The following HIC2 variants were observed in gnomAD, a reference collection of about 807,000 sequenced individuals.
The protein encoded by HIC2 is hypermethylated in cancer 2 protein.
Under a neutral mutation model 39.5 loss-of-function variants are expected in HIC2, and 2 were observed. The ratio of observed to expected loss-of-function variants is 0.05; its 90% confidence interval spans 0.02 to 0.16. The LOEUF (loss-of-function observed/expected upper bound fraction) is 0.16. Ranked by LOEUF, HIC2 falls within the 10% of genes least tolerant of loss-of-function variation. The probability of loss-of-function intolerance (pLI) is 1.00; values close to 1 mark genes in which losing one functional copy is unlikely to be tolerated. For synonymous variants in HIC2, 399 were observed against 368.8 expected (o/e 1.08, Z -0.94); for missense variants, 713 against 863.5 (o/e 0.83, Z 2.18).
rs752239180 is a variant in HIC2 at position 21,450,638 on chromosome 22, C to G, written c.*3895C>G. 2.0e-5 allele frequency: 3 copies of G among 152,742 alleles called. No homozygotes were observed. Among genetic ancestry groups the G allele is most frequent in the African/African-American group, 7.2e-5 (3 of 41,466 alleles). 9.5% of individuals were successfully genotyped at this position (152,742 alleles called of 1,614,324 possible). ...CCAGGCCTTAGAGCAGACAAGGGCT[C>G]TCAGCCCTGGCATGCCCCCTAAAGG... is the stretch of plus-strand genomic sequence containing the variant. On this transcript the variant is annotated 3_prime_UTR_variant, in exon 3 of 3. Coordinates refer to ENST00000407464, the MANE Select transcript of HIC2 (RefSeq NM_015094.3).
intron 1 of HIC2, among the ~76,000 whole-genome samples, chr22:21,430,850 G>GAC (rs1923297375): frequency 1.1e-5 from 1 of 91,444 alleles, no homozygotes; most frequent in Admixed American, 1.2e-4. Flanking sequence ...CAGCCTGGGC[G>GAC]ACAGAGGAAG....
Position 21,445,466 on chromosome 22 carries a change from C to A in HIC2, c.571C>A (p.Leu191Ile). Reference sequence around the variant, plus strand: ...CAAGGGGGCCCACGCCCCCCAGGAGCTCCCCCAAGCCAAAGGCTCAGACGA... The same window carrying A: ...CAAGGGGGCCCACGCCCCCCAGGAGATCCCCCAAGCCAAAGGCTCAGACGA... ...GRKGAHAPQE[L>I]PQAKGSDDEL... Residue 191 changes from leucine (L) to isoleucine (I), a missense_variant, in exon 3 of 3, where the codon CTC becomes ATC. Around this residue, in one of 5 missense-constraint regions of HIC2, gnomAD observed 457 missense variants for 420.2 expected, o/e 1.09. Coordinates refer to ENST00000407464, the MANE Select transcript of HIC2 (RefSeq NM_015094.3). 6.5e-7 allele frequency: 1 copy of A among 1,547,176 alleles called. No homozygotes were observed. The highest frequency in any genetic ancestry group is 8.7e-7 in the Non-Finnish European group (1 of 1,152,850).
In HIC2 at chr22:21,450,154, G is replaced by GC. The variant is rs1924090307; in HGVS notation, c.*3412dup. On this transcript the variant is annotated 3_prime_UTR_variant, in exon 3 of 3. Transcript: ENST00000407464. Reference sequence around the variant, plus strand: ...TATTTCTCAGACTTGGGGCGAGTGAGCGGGTGGCAGGCCGGGCTCCGCCAC... The same window carrying GC: ...TATTTCTCAGACTTGGGGCGAGTGAGCCGGGTGGCAGGCCGGGCTCCGCCAC... 1 of 152,758 alleles carries GC rather than the reference G, an allele frequency of 6.5e-6. No individual in the cohort carries two copies. The highest frequency in any genetic ancestry group is 2.4e-5 in the African/African-American group (1 of 41,448). 9.5% of individuals were successfully genotyped at this position (152,758 alleles called of 1,614,324 possible). A position where few individuals can be genotyped will look rare whatever the true frequency, so the allele number is the denominator to read the frequency against.
rs774541576 is a variant in HIC2 at position 21,445,977 on chromosome 22, G to A, written c.1082G>A (p.Cys361Tyr). Residue 361 changes from cysteine (C) to tyrosine (Y), a missense_variant, in exon 3 of 3, where the codon TGC (cysteine) becomes TAC (tyrosine). By Grantham distance (194) the Cys-to-Tyr change is radical (BLOSUM62 -2). Around this residue, in one of 5 missense-constraint regions of HIC2, gnomAD observed 457 missense variants for 420.2 expected, o/e 1.09. Transcript: ENST00000407464. ...AGAGAAGCAGGGCCCAAGGGTCCCT[G>A]CCCGGGAGAGGAGGGTGAGGGGGTC... Reference protein sequence around the residue: ...ERREAGPKGPCPGEEGEGVGD... With the variant: ...ERREAGPKGPYPGEEGEGVGD... 2 of 1,562,778 alleles carry A rather than the reference G, an allele frequency of 1.3e-6. No homozygotes were observed. Among genetic ancestry groups the A allele is most frequent in the Admixed American group, 4.0e-5 (2 of 50,400 alleles).
intron 2 of HIC2, among the ~76,000 whole-genome samples, chr22:21,444,560 C>CT (rs1449818084): frequency 6.6e-6 from 1 of 152,046 alleles, no homozygotes; most frequent in South Asian, 2.1e-4. Flanking sequence ...GGGTCCCCTT[C>CT]TGGTCCCTGA....
chr22:21,437,780 T>C (rs1923443431), intron 1 of HIC2, among the ~76,000 whole-genome samples: 1 of 20,110 alleles, frequency 5.0e-5, no homozygotes, highest in Admixed American at 4.9e-4. Context: ...CTGCCTAGCA[T>C]GGCTTCTCAG....
Position 21,445,593 on chromosome 22 carries a change from G to GCAC in HIC2, c.701_703dup (p.Thr234dup). The stretch of plus-strand genomic sequence containing the variant: ...GCGGGTCTGGGGGGCTGCAGCAGCA[G>GCAC]CACCAACGGGAGCAGCGGGGGCTGC... On this transcript the variant is annotated inframe_insertion, in exon 3 of 3. Transcript: ENST00000407464. 1.3e-6 allele frequency: 2 copies of GCAC among 1,583,334 alleles called. No individual in the cohort carries two copies.
rs1348436154 is a variant in HIC2, at chr22:21,449,722, C to G, written c.*2979C>G. ...TCCCTGGAGTCACCTGAGCCCTCGTCCCCATTCCCAGGGCCCCTCCAAGCC... is the reference window on the plus strand; with the variant it reads ...TCCCTGGAGTCACCTGAGCCCTCGTGCCCATTCCCAGGGCCCCTCCAAGCC... On this transcript the variant is annotated 3_prime_UTR_variant, in exon 3 of 3. Coordinates refer to ENST00000407464, the MANE Select transcript of HIC2 (RefSeq NM_015094.3). 1.3e-5 allele frequency: 2 copies of G among 152,758 alleles called. No homozygotes were observed. The highest frequency in any genetic ancestry group is 4.8e-5 in the African/African-American group (2 of 41,456). The allele number at this position is 152,758 out of a possible 1,614,324, so 9.5% of individuals were successfully genotyped here.
At chr22:21,444,512 C>T (rs931492450) in intron 2 of HIC2, among the ~76,000 whole-genome samples, 2 of 152,230 alleles carry the variant, frequency 1.3e-5, no homozygotes, top group African/African-American at 4.8e-5. Context: ...TCACGGAGTC[C>T]TCTGCTTCCC....
chr22:21,441,453 T>A (rs1487442568), intron 1 of HIC2, among the ~76,000 whole-genome samples: 1 of 149,308 alleles, frequency 6.7e-6, no homozygotes, highest in African/African-American at 2.4e-5. Context: ...TGCCACCCAC[T>A]CCCTGCGCGG....
At chr22:21,418,116 C>G (rs1187893433) in intron 1 of HIC2, among the ~76,000 whole-genome samples, 1 of 124,244 alleles carries the variant, frequency 8.0e-6, no homozygotes, top group Non-Finnish European at 1.7e-5. Context: ...CTGGAGGGGC[C>G]GCTCCCAGAG....
At chr22:21,443,515 C>A (rs2148340283) in intron 2 of HIC2, among the ~76,000 whole-genome samples, 1 of 152,164 alleles carries the variant, frequency 6.6e-6, no homozygotes, top group Admixed American at 6.5e-5. Flanking sequence ...GCAGTAGATC[C>A]CAGAGGGCGG....
Position 21,417,439 on chromosome 22 carries a change from G to A in HIC2, c.-195G>A, listed in dbSNP as rs963429207. 3 of 134,870 alleles carry A rather than the reference G, an allele frequency of 2.2e-5. No individual in the cohort carries two copies. The highest frequency in any genetic ancestry group is 3.2e-5 in the Non-Finnish European group (2 of 62,900). The allele number at this position is 134,870 out of a possible 1,614,324, so 8.4% of individuals were successfully genotyped here. A position where few individuals can be genotyped will look rare whatever the true frequency, so the allele number is the denominator to read the frequency against. Reference sequence around the variant, plus strand: ...CTCGGGGCGCGCTAGGCGGGGAGCCGAGCCGGGCTGGCGGCAGGCGGACGG... The same window carrying A: ...CTCGGGGCGCGCTAGGCGGGGAGCCAAGCCGGGCTGGCGGCAGGCGGACGG... On this transcript the variant is annotated 5_prime_UTR_variant, in exon 1 of 3. Coordinates refer to ENST00000407464, the MANE Select transcript of HIC2 (RefSeq NM_015094.3).
chr22:21,425,673 T>C (rs1923211442), intron 1 of HIC2, among the ~76,000 whole-genome samples: 1 of 144,136 alleles, frequency 6.9e-6, no homozygotes, highest in South Asian at 2.3e-4. Context: ...CCCGAGTAGC[T>C]GGGATTACAG....
At position 21,449,507 on chromosome 22, in the gene HIC2, T is replaced by C. The variant is rs1252044280; in HGVS notation, c.*2764T>C. 4 of 152,794 alleles carry C rather than the reference T, an allele frequency of 2.6e-5. No individual in the cohort carries two copies. Among genetic ancestry groups the C allele is most frequent in the Non-Finnish European group, 5.9e-5 (4 of 68,034 alleles). The allele number at this position is 152,794 out of a possible 1,614,324, so 9.5% of individuals were successfully genotyped here. Reference sequence around the variant, plus strand: ...ATTTTGAATGAGTATGGAACCTCCATGGGCTCAGAAAAAAGATGCTAATAT... The same window carrying C: ...ATTTTGAATGAGTATGGAACCTCCACGGGCTCAGAAAAAAGATGCTAATAT... On this transcript the variant is annotated 3_prime_UTR_variant, in exon 3 of 3. Coordinates refer to ENST00000407464, the MANE Select transcript of HIC2 (RefSeq NM_015094.3).
rs558683573 is a variant in HIC2, at chr22:21,446,002, C to T, written c.1107C>T (p.Val369=). ...GPCPGEEGEG[V]GDRVPNGILA... ...GCCCGGGAGAGGAGGGTGAGGGGGT[C>T]GGGGACAGGGTTCCCAATGGCATCC... The change falls in exon 3 of 3, where the codon GTC becomes GTT. Residue 369 remains valine (V), a synonymous_variant. Transcript: ENST00000407464. The T allele has an allele frequency of 3.0e-5, 47 of 1,570,214 alleles. No individual in the cohort carries two copies. In the South Asian group the frequency reaches 4.0e-4, roughly 13 times the overall value.
At position 21,448,887 on chromosome 22, in the gene HIC2, AC is replaced by A. The variant is rs1345799458; in HGVS notation, c.*2148del. ...AGGGGGCTCCTGCCGTCCTGACGCC[AC>A]CCCGCCCCATCAGCACTTAAGCCAC... On this transcript the variant is annotated 3_prime_UTR_variant, in exon 3 of 3. Transcript: ENST00000407464. The A allele has an allele frequency of 1.3e-5, 2 of 152,478 alleles. No homozygotes were observed. The highest frequency in any genetic ancestry group is 2.9e-5 in the Non-Finnish European group (2 of 68,022). The allele number at this position is 152,478 out of a possible 1,614,324, so 9.4% of individuals were successfully genotyped here.
In HIC2 at chr22:21,447,910, GA is replaced by G. The variant is rs1923951592; in HGVS notation, c.*1169del. 1.3e-5 allele frequency: 2 copies of G among 152,780 alleles called. No individual in the cohort carries two copies. The highest frequency in any genetic ancestry group is 4.8e-5 in the African/African-American group (2 of 41,424). 9.5% of individuals were successfully genotyped at this position (152,780 alleles called of 1,614,324 possible). ...GACTTCTGACCTTTTGCTACCTCTT[GA>G]ATTCATGACAACGATATGTTGGTGA... On this transcript the variant is annotated 3_prime_UTR_variant, in exon 3 of 3. Transcript: ENST00000407464.
rs1271519158 is a variant in HIC2, at chr22:21,446,768, C to G, written c.*25C>G. The G allele has an allele frequency of 6.3e-7, 1 of 1,576,608 alleles. No individual in the cohort carries two copies. Among genetic ancestry groups the G allele is most frequent in the South Asian group, 1.2e-5 (1 of 85,056 alleles). On this transcript the variant is annotated 3_prime_UTR_variant, in exon 3 of 3. Transcript: ENST00000407464. ...GAAGCCAAAGACCCGCGGGCGCCCT[C>G]TGCCACCTTGCTCCCCGGGAACCCA...
Sources: allele counts gnomAD v4.1 joint callset (sites outside exome capture counted in the v4.1 genomes callset), GRCh38; gene constraint gnomAD v4.1.1; regional missense constraint gnomAD v4.1.1; transcripts MANE v1.5; gene names NCBI Gene and HGNC (gene_info 2026-07-23, HGNC 2026-07-21).